RBFOX1: variants seen among roughly 807,000 people sequenced by gnomAD.
RBFOX1 encodes the protein RNA binding fox-1 homolog 1, also known as RNA binding protein fox-1 homolog 1.
Under a neutral mutation model 57.7 loss-of-function variants are expected in RBFOX1, and 8 were observed. The ratio of observed to expected loss-of-function variants is 0.14; its 90% CI spans 0.08 to 0.25. RBFOX1 has a LOEUF of 0.25. RBFOX1 is among the 10% of genes least tolerant of loss of function. The pLI, the probability that RBFOX1 is intolerant of heterozygous loss-of-function variation, is 1.00. For missense variants in RBFOX1, 611 were observed against 548.5 expected, an observed-to-expected ratio of 1.11 and a Z score of -1.14; for synonymous variants, 326 against 222.4, an observed-to-expected ratio of 1.47 and a Z score of -4.15.
intron 3 of RBFOX1, among the ~76,000 whole-genome samples, chr16:5,817,981 C>T (rs58192704): frequency 0.013 from 2,011 of 151,620 alleles, 46 homozygotes; most frequent in African/African-American, 0.045. Flanking sequence ...TGAGCCACCG[C>T]GCCTGGCCAG....
At chr16:6,206,872 T>C (rs1389273524) in intron 1 of RBFOX1, among the ~76,000 whole-genome samples, 1 of 152,142 alleles carries the variant, frequency 6.6e-6, no homozygotes, top group Non-Finnish European at 1.5e-5. Context: ...ACATTTTATC[T>C]CCCCTTTTCT....
intron 4 of RBFOX1, among the ~76,000 whole-genome samples, chr16:7,250,730 A>ATTT (rs1173541307): frequency 6.6e-6 from 1 of 152,174 alleles, no homozygotes; most frequent in East Asian, 1.9e-4. Flanking sequence ...ATGTGAACGT[A>ATTT]TTTACCAGGG....
intron 1 of RBFOX1, among the ~76,000 whole-genome samples, chr16:6,208,047 T>TATGTGTGTGTATACATATATATGTGTAC (rs2097266947): frequency 2.6e-5 from 4 of 151,762 alleles, no homozygotes; most frequent in Admixed American, 1.3e-4. Context: ...TATATGTGTA[T>TATGTGTGTGTATACATATATATGTGTAC]ATATATGTGT....
chr16:7,625,450 T>G (rs1346354894), intron 10 of RBFOX1, among the ~76,000 whole-genome samples: 2 of 152,164 alleles, frequency 1.3e-5, no homozygotes, highest in Non-Finnish European at 2.9e-5. Flanking sequence ...ACTCCTGTAT[T>G]AGAGGTACAG....
intron 4 of RBFOX1, among the ~76,000 whole-genome samples, chr16:5,980,508 G>C (rs776934778): frequency 4.6e-5 from 7 of 152,124 alleles, no homozygotes; most frequent in Non-Finnish European, 8.8e-5. Flanking sequence ...AGTTTTTATT[G>C]GCTACCTGTG....
intron 1 of RBFOX1, among the ~76,000 whole-genome samples, chr16:5,448,349 C>T (rs527858054): frequency 6.6e-6 from 1 of 151,984 alleles, no homozygotes; most frequent in African/African-American, 2.4e-5. Flanking sequence ...GTCTGTGTTC[C>T]AGAGGCAAAA....
intron 1 of RBFOX1, among the ~76,000 whole-genome samples, chr16:6,178,179 T>TC (rs2152781667): frequency 4.5e-5 from 2 of 44,776 alleles, no homozygotes; most frequent in South Asian, 1.6e-3. Flanking sequence ...AGGTCACTCT[T>TC]TTTTTTTTTT....
chr16:7,443,517 T>A (rs1156891917), intron 4 of RBFOX1, among the ~76,000 whole-genome samples: 2 of 151,860 alleles, frequency 1.3e-5, no homozygotes, highest in Non-Finnish European at 2.9e-5. Flanking sequence ...TCCTGCCAGA[T>A]ATGAACCCAA....
chr16:6,493,677 AT>A (rs2095688476), intron 2 of RBFOX1, among the ~76,000 whole-genome samples: 1 of 152,170 alleles, frequency 6.6e-6, no homozygotes, highest in African/African-American at 2.4e-5. Context: ...CAGATAAAAT[AT>A]TTTTATCTCA....
chr16:7,003,468 A>G (rs2093018479), intron 3 of RBFOX1, among the ~76,000 whole-genome samples: 1 of 151,792 alleles, frequency 6.6e-6, no homozygotes, highest in African/African-American at 2.4e-5. Context: ...TAAAAAAAAA[A>G]AAAGAAAAAA....
At chr16:7,371,237 G>C (rs1459358232) in intron 4 of RBFOX1, among the ~76,000 whole-genome samples, 1 of 152,106 alleles carries the variant, frequency 6.6e-6, no homozygotes. Context: ...GTCCCAGGAA[G>C]AATCAAGAAG....
chr16:7,181,887 A>G (rs1328154916), intron 4 of RBFOX1, among the ~76,000 whole-genome samples: 1 of 152,124 alleles, frequency 6.6e-6, no homozygotes, highest in Non-Finnish European at 1.5e-5. Context: ...CTGAGTCACC[A>G]TATGTGAAGT....
chr16:7,022,876 C>G (rs1285055812), intron 3 of RBFOX1, among the ~76,000 whole-genome samples: 9 of 152,330 alleles, frequency 5.9e-5, no homozygotes, highest in Admixed American at 4.6e-4. Context: ...AATGTTCACA[C>G]AGCTAGAATG....
intron 1 of RBFOX1, among the ~76,000 whole-genome samples, chr16:6,129,099 C>G (rs1307741276): frequency 6.6e-6 from 1 of 152,130 alleles, no homozygotes; most frequent in Non-Finnish European, 1.5e-5. Flanking sequence ...CATTATGCAT[C>G]TTGTTCAACA....
chr16:5,902,228 C>T (rs1478162295), intron 4 of RBFOX1, among the ~76,000 whole-genome samples: 1 of 152,040 alleles, frequency 6.6e-6, no homozygotes, highest in African/African-American at 2.4e-5. Flanking sequence ...TTAATGTTCC[C>T]ATTTTATAGA....
intron 2 of RBFOX1, among the ~76,000 whole-genome samples, chr16:5,502,756 A>G (rs934170001): frequency 6.6e-6 from 1 of 152,192 alleles, no homozygotes; most frequent in Non-Finnish European, 1.5e-5. Context: ...GCAGTGCACC[A>G]GAGCCTGCCC....
intron 4 of RBFOX1, among the ~76,000 whole-genome samples, chr16:5,934,877 C>G (rs1053498184): frequency 5.9e-5 from 9 of 152,256 alleles, no homozygotes; most frequent in African/African-American, 2.2e-4. Flanking sequence ...GGCAGCTGCA[C>G]ACAGACTGGC....
chr16:7,697,808 T>C (rs1472285381), intron 14 of RBFOX1, among the ~76,000 whole-genome samples: 1 of 152,202 alleles, frequency 6.6e-6, no homozygotes, highest in Non-Finnish European at 1.5e-5. Flanking sequence ...CTTGCTCCTA[T>C]GAAACTAGTA....
chr16:6,765,191 A>C (rs2077162457), intron 3 of RBFOX1, among the ~76,000 whole-genome samples: 1 of 152,068 alleles, frequency 6.6e-6, no homozygotes, highest in Admixed American at 6.6e-5. Flanking sequence ...GCACGTGGTA[A>C]GGGAGGGGGT....
Sources: allele counts gnomAD v4.1 joint callset (sites outside exome capture counted in the v4.1 genomes callset), GRCh38; gene constraint gnomAD v4.1.1; transcripts MANE v1.5; gene names NCBI Gene and HGNC (gene_info 2026-07-23, HGNC 2026-07-21).